TBX18: variants seen among roughly 807,000 people sequenced by gnomAD.
TBX18 encodes T-box transcription factor TBX18.
Under a neutral mutation model 55.0 loss-of-function variants are expected in TBX18, and 21 were observed. The observed-to-expected ratio is 0.38, with a 90% CI of 0.27 to 0.55. The LOEUF (loss-of-function observed/expected upper bound fraction) is 0.55. TBX18 is among the 20% of genes least tolerant of loss of function. The pLI, the probability that TBX18 is intolerant of heterozygous loss-of-function variation, is 0.73. For missense variants in TBX18, 840 were observed against 799.6 expected (o/e 1.05, Z -0.61); for synonymous variants, 342 against 326.1 (o/e 1.05, Z -0.53).
intron 3 of TBX18, among the ~76,000 whole-genome samples, chr6:84,759,804 A>G (rs1767597659): frequency 6.6e-6 from 1 of 152,078 alleles, no homozygotes; most frequent in Admixed American, 6.5e-5. Flanking sequence ...TGAAATTAAA[A>G]AAAAAGCCTA....
In TBX18 at chr6:84,737,365, C is replaced by A; in HGVS notation, c.1144G>T (p.Val382Phe). Residue 382 changes from valine to phenylalanine, a missense_variant, in exon 8 of 8, where the codon GTT becomes TTT. Coordinates refer to ENST00000369663, the MANE Select transcript of TBX18 (RefSeq NM_001080508.3). ...AAAAGGTGAGGGTGAGTGGCAGGAA[C>A]GCCATTCCCAGTACCTTGGAGCAAG... ...STLLQGTGNG[V>F]PATHPHLLSG... The A allele has an allele frequency of 6.4e-7, 1 of 1,550,506 alleles. No individual in the cohort carries two copies. Among genetic ancestry groups the A allele is most frequent in the Non-Finnish European group, 8.7e-7 (1 of 1,151,370 alleles).
intron 4 of TBX18, 88 bp from the exon 5 acceptor site, chr6:84,748,175 T>C: frequency 1.0e-6 from 1 of 990,048 alleles, no homozygotes; most frequent in Non-Finnish European, 1.4e-6. Context: ...TACAATCAAT[T>C]CTGATTGGAA....
In TBX18 at chr6:84,735,634, T is replaced by C. The variant is rs1443276787; in HGVS notation, c.*1051A>G. 1 of 152,184 alleles carries C rather than the reference T, an allele frequency of 6.6e-6. No homozygotes were observed. Among genetic ancestry groups the C allele is most frequent in the African/African-American group, 2.4e-5 (1 of 41,440 alleles). The allele number at this position is 152,184 out of a possible 1,614,324, so 9.4% of individuals were successfully genotyped here. On this transcript the variant is annotated 3_prime_UTR_variant, in exon 8 of 8. Coordinates refer to ENST00000369663, the MANE Select transcript of TBX18 (RefSeq NM_001080508.3). ...GGGAAAAGGGTTCAATGTGTAGGAA[T>C]TACAAGATATAAATAAGTAGCATAA...
chr6:84,742,516 T>C (rs139374816), intron 6 of TBX18: 3 of 152,296 alleles, frequency 2.0e-5, no homozygotes, highest in African/African-American at 4.8e-5. Context: ...GTATCTGTCA[T>C]CTCACTTCTT....
Position 84,760,355 on chromosome 6 carries a change from G to A in TBX18, c.499C>T (p.Arg167Cys), listed in dbSNP as rs1438478275. Residue 167 changes from arginine to cysteine, a missense_variant and splice_region_variant, in exon 3 of 8, where the codon CGC becomes TGC. Transcript: ENST00000369663. ...TTCACTCTCATTGCTGGAAACATGC[G>A]CCTATTTAAAAAGGCGAAGAGAAAG... Reference protein sequence around the residue: ...TEMIITKAGRRMFPAMRVKIS... With the variant: ...TEMIITKAGRCMFPAMRVKIS... 1.3e-6 allele frequency: 2 copies of A among 1,594,656 alleles called. No individual in the cohort carries two copies. Among genetic ancestry groups the A allele is most frequent in the Non-Finnish European group, 1.7e-6 (2 of 1,169,058 alleles).
In TBX18 at chr6:84,736,637, A is replaced by G; in HGVS notation, c.*48T>C. ...TCCACATAGCTTTTAAAAAAGAAAA[A>G]GAAAATATGTTAGACAGATCCAAAT... On this transcript the variant is annotated 3_prime_UTR_variant, in exon 8 of 8. Coordinates refer to ENST00000369663, the MANE Select transcript of TBX18 (RefSeq NM_001080508.3). 1.4e-6 allele frequency: 2 copies of G among 1,461,550 alleles called. No individual in the cohort carries two copies. Among genetic ancestry groups the G allele is most frequent in the Non-Finnish European group, 1.8e-6 (2 of 1,106,692 alleles). The allele number at this position is 1,461,550 out of a possible 1,614,324, so 90.5% of individuals were successfully genotyped here.
rs150452929 is a variant in TBX18, at chr6:84,745,916, T to C, written c.940-1591A>G. Among the ~76,000 whole-genome samples, 604 of 152,270 alleles carry C rather than the reference T, an allele frequency of 4.0e-3. 3 individuals carry two copies. The highest frequency in any genetic ancestry group is 0.011 in the African/African-American group (455 of 41,566). On this transcript the variant is annotated intron_variant, in intron 5 of 7. Coordinates refer to ENST00000369663, the MANE Select transcript of TBX18 (RefSeq NM_001080508.3). ...CTTATGTATAGCTATTATCTCAGTT[T>C]TGTGTTTTATTTTAAACTGAAGCTT...
In TBX18 at chr6:84,763,921, C is replaced by G. The variant is rs745611539; in HGVS notation, c.261G>C (p.Arg87=). The G allele has an allele frequency of 1.9e-6, 3 of 1,562,046 alleles. No homozygotes were observed. The highest frequency in any genetic ancestry group is 2.6e-6 in the Non-Finnish European group (3 of 1,160,744). ...PPAGATSGPA[R]SGADLERGAA... Reference sequence around the variant, plus strand: ...CTCCGCGCTCCAGGTCTGCGCCACTCCGAGCCGGCCCAGACGTCGCCCCAG... The same window carrying G: ...CTCCGCGCTCCAGGTCTGCGCCACTGCGAGCCGGCCCAGACGTCGCCCCAG... Residue 87 remains arginine, a synonymous_variant, in exon 1 of 8, where the codon CGG becomes CGC. Coordinates refer to ENST00000369663, the MANE Select transcript of TBX18 (RefSeq NM_001080508.3).
At position 84,736,888 on chromosome 6, in the gene TBX18, C is replaced by T; in HGVS notation, c.1621G>A (p.Ala541Thr). The change falls in exon 8 of 8, where the codon GCT (alanine) becomes ACT (threonine). Residue 541 changes from alanine to threonine, a missense_variant. Coordinates refer to ENST00000369663, the MANE Select transcript of TBX18 (RefSeq NM_001080508.3). Reference protein sequence around the residue: ...GYNFSTSPKLAASPEKIVSSQ... With the variant: ...GYNFSTSPKLTASPEKIVSSQ... ...GAAACAATTTTCTCAGGACTGGCAGCCAGTTTGGGGGATGTGGAGAAGTTA... is the reference window on the plus strand; with the variant it reads ...GAAACAATTTTCTCAGGACTGGCAGTCAGTTTGGGGGATGTGGAGAAGTTA... The T allele has an allele frequency of 6.2e-7, 1 of 1,613,212 alleles. No individual in the cohort carries two copies. The highest frequency in any genetic ancestry group is 8.5e-7 in the Non-Finnish European group (1 of 1,179,690).
chr6:84,756,903 T>C (rs372545758), intron 3 of TBX18, 34 bp from the exon 4 acceptor site: 171 of 1,599,238 alleles, frequency 1.1e-4, no homozygotes, highest in Non-Finnish European at 1.4e-4. Context: ...CAGTATACTG[T>C]TTTTATCTTG....
At chr6:84,763,454 G>A (rs1323523128) in intron 1 of TBX18, 2 of 463,566 alleles carry the variant, frequency 4.3e-6, no homozygotes, top group Admixed American at 2.3e-5. Flanking sequence ...CAAATATGCC[G>A]CCCTCTTCCT....
At chr6:84,739,362 G>A (rs1766982490) in intron 6 of TBX18, among the ~76,000 whole-genome samples, 1 of 152,012 alleles carries the variant, frequency 6.6e-6, no homozygotes, top group Non-Finnish European at 1.5e-5. Context: ...CATGACATAC[G>A]TATATTTTAA....
rs1172925498 is a variant in TBX18, at chr6:84,756,683, A to G, written c.771+15T>C. ...TGTGCCATCTACAGATGCATTAGAG[A>G]GGCCATCTACTCACATGGCCTTGGT... On this transcript the variant is annotated intron_variant, in intron 4 of 7. Coordinates refer to ENST00000369663, the MANE Select transcript of TBX18 (RefSeq NM_001080508.3). The G allele has an allele frequency of 6.2e-7, 1 of 1,612,408 alleles. No homozygotes were observed.
intron 4 of TBX18, among the ~76,000 whole-genome samples, chr6:84,756,008 A>T (rs574535024): frequency 6.6e-6 from 1 of 152,332 alleles, no homozygotes; most frequent in East Asian, 1.9e-4. Flanking sequence ...ACAGAAACCT[A>T]ATTTTAAAAA....
chr6:84,745,182 C>T (rs1478827314), intron 5 of TBX18, among the ~76,000 whole-genome samples: 3 of 152,096 alleles, frequency 2.0e-5, no homozygotes, highest in Non-Finnish European at 4.4e-5. Flanking sequence ...TTTTTGCTCA[C>T]TAAGACACCA....
chr6:84,748,483 A>C (rs1276427577), intron 4 of TBX18, among the ~76,000 whole-genome samples: 1 of 152,242 alleles, frequency 6.6e-6, no homozygotes, highest in Non-Finnish European at 1.5e-5. Flanking sequence ...ATCCCCTAAA[A>C]AATAAGTATT....
chr6:84,758,102 T>G (rs891115931), intron 3 of TBX18, among the ~76,000 whole-genome samples: 1 of 152,086 alleles, frequency 6.6e-6, no homozygotes, highest in Non-Finnish European at 1.5e-5. Context: ...AAATTAGGGA[T>G]AGTCTTTCAG....
At chr6:84,738,723 T>A in intron 6 of TBX18, 132 bp from the exon 7 acceptor site, 1 of 705,140 alleles carries the variant, frequency 1.4e-6, no homozygotes, top group Non-Finnish European at 2.5e-6. Flanking sequence ...AGTTAGGATC[T>A]TGCCACTGGC....
intron 4 of TBX18, among the ~76,000 whole-genome samples, chr6:84,751,389 C>CTGATGTATGTCTT (rs1234419702): frequency 1.3e-5 from 2 of 152,204 alleles, no homozygotes; most frequent in East Asian, 3.9e-4. Flanking sequence ...ACAGAAATGG[C>CTGATGTATGTCTT]TGATGTATGT....
Sources: gnomAD v4.1 joint callset for allele counts (sites outside exome capture counted in the v4.1 genomes callset) on GRCh38, gnomAD v4.1.1 for gene constraint, MANE v1.5 for transcripts, NCBI Gene and HGNC (gene_info 2026-07-23, HGNC 2026-07-21) for gene names.